Variants in SMC1B observed in about 807,000 individuals in gnomAD.
SMC1B encodes the protein structural maintenance of chromosomes 1B, also known as structural maintenance of chromosomes protein 1B.
In SMC1B, 60 loss-of-function variants were observed where a neutral mutation model predicts 157.9. The observed-to-expected ratio is 0.38, with a 90% CI of 0.31 to 0.47. The LOEUF is 0.47. Among genes scored for constraint, SMC1B ranks in the 20% least tolerant of loss-of-function variants. SMC1B has a pLI of 0.99. For synonymous variants in SMC1B, 445 were observed against 483.0 expected, an observed-to-expected ratio of 0.92 and a Z score of 1.03; for missense variants, 1,165 against 1,426.2, an observed-to-expected ratio of 0.82 and a Z score of 2.95.
chr22:45,388,919 G>A (rs6006739), intron 10 of SMC1B, among the ~76,000 whole-genome samples: 72,511 of 148,340 alleles, frequency 0.49, 20,797 homozygotes, highest in African/African-American at 0.8. Flanking sequence ...CCCGGAAGGT[G>A]GAGGCTGCAG....
At chr22:45,362,594 A>G (rs1020067399) in intron 16 of SMC1B, among the ~76,000 whole-genome samples, 5 of 152,164 alleles carry the variant, frequency 3.3e-5, no homozygotes, top group African/African-American at 4.8e-5. Flanking sequence ...TAGACATCAC[A>G]TAGGCAACTC....
At chr22:45,398,786 A>C (rs1353048715) in intron 6 of SMC1B, among the ~76,000 whole-genome samples, 2 of 152,042 alleles carry the variant, frequency 1.3e-5, no homozygotes, top group African/African-American at 4.8e-5. Context: ...CCAAGACCAC[A>C]CCATTACACT....
At chr22:45,413,430 T>A (rs1025817095) in intron 1 of SMC1B, 29 bp downstream of exon 1, 1 of 1,545,488 alleles carries the variant, frequency 6.5e-7, no homozygotes. Flanking sequence ...GCGGAGGCGC[T>A]CCGGTGGCGC....
At chr22:45,402,915 G>C (rs992464221) in intron 4 of SMC1B, among the ~76,000 whole-genome samples, 1 of 152,186 alleles carries the variant, frequency 6.6e-6, no homozygotes, top group Non-Finnish European at 1.5e-5. Flanking sequence ...AAAGAAGAGT[G>C]TGATATGACT....
In SMC1B at chr22:45,372,141, T is replaced by C; in HGVS notation, c.2196+14A>G. 6.3e-7 allele frequency: 1 copy of C among 1,580,144 alleles called. No homozygotes were observed. The highest frequency in any genetic ancestry group is 8.6e-7 in the Non-Finnish European group (1 of 1,165,676). On this transcript the variant is annotated intron_variant, in intron 13 of 24. Coordinates refer to ENST00000357450, the MANE Select transcript of SMC1B (RefSeq NM_148674.5). ...GGTCAAATGCCTATCATATTTTATG[T>C]AAGTCTATATTACCTGGTAAAAAGC...
chr22:45,351,871 G>A (rs1477933771), intron 22 of SMC1B, among the ~76,000 whole-genome samples: 3 of 152,194 alleles, frequency 2.0e-5, no homozygotes, highest in Non-Finnish European at 2.9e-5. Flanking sequence ...CAAAGAAACA[G>A]TTCCACCACC....
intron 8 of SMC1B, among the ~76,000 whole-genome samples, chr22:45,394,417 G>A (rs1478383630): frequency 6.6e-6 from 1 of 152,144 alleles, no homozygotes; most frequent in Non-Finnish European, 1.5e-5. Context: ...GAGGAGGGTG[G>A]ATTGCTTGGT....
chr22:45,367,981 G>A (rs1240834611), intron 15 of SMC1B, among the ~76,000 whole-genome samples: 1 of 151,978 alleles, frequency 6.6e-6, no homozygotes, highest in African/African-American at 2.4e-5. Context: ...CTGACATTTT[G>A]GTGATGTCAC....
chr22:45,391,688 T>C (rs1217180411), intron 9 of SMC1B, among the ~76,000 whole-genome samples: 1 of 152,192 alleles, frequency 6.6e-6, no homozygotes, highest in Non-Finnish European at 1.5e-5. Context: ...TTTACTTTCT[T>C]GTAAGGGATT....
chr22:45,388,986 C>CAAAAAAAAAAAAA (rs371475132), intron 10 of SMC1B, among the ~76,000 whole-genome samples: 9 of 54,264 alleles, frequency 1.7e-4, no homozygotes, highest in Non-Finnish European at 2.8e-4. Flanking sequence ...GACTCTGCCT[C>CAAAAAAAAAAAAA]AAAAAAAAAA....
At chr22:45,412,652 G>GT (rs2087357221) in intron 1 of SMC1B, among the ~76,000 whole-genome samples, 1 of 151,966 alleles carries the variant, frequency 6.6e-6, no homozygotes, top group African/African-American at 2.4e-5. Flanking sequence ...GATTACAGGC[G>GT]TGTGCCACCA....
intron 1 of SMC1B, 134 bp downstream of exon 1, chr22:45,413,325 G>A: frequency 3.1e-6 from 2 of 654,220 alleles, no homozygotes; most frequent in South Asian, 2.0e-5. Flanking sequence ...ATCCGGTCGC[G>A]GTCAGGCTCC....
intron 10 of SMC1B, among the ~76,000 whole-genome samples, chr22:45,387,617 C>T (rs2087003956): frequency 2.0e-5 from 3 of 152,170 alleles, no homozygotes. Context: ...ATTAACTAGT[C>T]AGGATAAAAC....
intron 12 of SMC1B, among the ~76,000 whole-genome samples, chr22:45,381,043 G>A (rs889546389): frequency 2.0e-5 from 3 of 149,256 alleles, no homozygotes; most frequent in Admixed American, 6.8e-5. Context: ...TGATCCACCC[G>A]CCTTGGCCTC....
In SMC1B at chr22:45,396,456, C is replaced by T; in HGVS notation, c.1144G>A (p.Val382Ile). Residue 382 changes from valine (V) to isoleucine (I), a missense_variant, in exon 7 of 25, where the codon GTA (valine) becomes ATA (isoleucine). Coordinates refer to ENST00000357450, the MANE Select transcript of SMC1B (RefSeq NM_148674.5). ...GTCATTGTAGCTACTTTCTTTCTTA[C>T]TTGTTCCTTAAGTTCTTTATAACGA... ...LDRYKELKEQ[V>I]RKKVATMTQQ... 1 of 1,613,214 alleles carries T rather than the reference C, an allele frequency of 6.2e-7. No homozygotes were observed. Among genetic ancestry groups the T allele is most frequent in the Non-Finnish European group, 8.5e-7 (1 of 1,179,668 alleles).
At chr22:45,373,855 T>C (rs1206916658) in intron 12 of SMC1B, among the ~76,000 whole-genome samples, 1 of 152,184 alleles carries the variant, frequency 6.6e-6, no homozygotes, top group Non-Finnish European at 1.5e-5. Flanking sequence ...TAAATACTTG[T>C]AGACAAACTC....
intron 19 of SMC1B, among the ~76,000 whole-genome samples, chr22:45,355,730 G>C (rs368162579): frequency 5.4e-3 from 1 of 186 alleles, no homozygotes; most frequent in East Asian, 0.5. Flanking sequence ...AAGAGAAAAA[G>C]TGCCACGCCC....
In SMC1B at chr22:45,389,700, C is replaced by A. The variant is rs762941686; in HGVS notation, c.1731+12G>T. 6.2e-7 allele frequency: 1 copy of A among 1,607,294 alleles called. No individual in the cohort carries two copies. Among genetic ancestry groups the A allele is most frequent in the South Asian group, 1.1e-5 (1 of 90,494 alleles). ...TTATCACTATAAATACCAGGCATTA[C>A]AAAGTTCTTACATCAAGGTAATCTA... On this transcript the variant is annotated intron_variant, in intron 10 of 24. Transcript: ENST00000357450.
At chr22:45,409,005 A>C (rs2087297369) in intron 1 of SMC1B, 107 bp from the exon 2 acceptor site, 1 of 629,398 alleles carries the variant, frequency 1.6e-6, no homozygotes, top group South Asian at 2.6e-5. Context: ...GCCAAAAGAC[A>C]TGTCCTTTTT....
Sources: allele counts gnomAD v4.1 joint callset (sites outside exome capture counted in the v4.1 genomes callset), GRCh38; gene constraint gnomAD v4.1.1; transcripts MANE v1.5; gene names NCBI Gene and HGNC (gene_info 2026-07-23, HGNC 2026-07-21).